The following MEF2C variants were observed in gnomAD, a reference collection of about 807,000 sequenced individuals.
MEF2C encodes the protein myocyte-specific enhancer factor 2C.
MEF2C carries 6 observed loss-of-function variants against 50.5 expected under a neutral mutation model. The ratio of observed to expected loss-of-function variants is 0.12; its 90% confidence interval spans 0.07 to 0.23. MEF2C has a LOEUF of 0.23. Ranked by LOEUF, MEF2C falls within the 10% of genes least tolerant of loss-of-function variation. MEF2C has a pLI of 1.00. For synonymous variants in MEF2C, 183 were observed against 228.0 expected (o/e 0.80, Z 1.78); for missense variants, 276 against 605.0 (o/e 0.46, Z 5.70).
chr5:88,799,868 TCTCACA>T (rs1327624464), intron 3 of MEF2C, among the ~76,000 whole-genome samples: 41 of 95,238 alleles, frequency 4.3e-4, no homozygotes, highest in Admixed American at 2.2e-3. Flanking sequence ...TCTCTCTCTC[TCTCACA>T]CACACACACA....
chr5:88,891,392 C>CT (rs1561493636), intron 1 of MEF2C, among the ~76,000 whole-genome samples: 3 of 125,630 alleles, frequency 2.4e-5, no homozygotes, highest in African/African-American at 3.7e-5. Context: ...AACCAACCAA[C>CT]CTTTTTTTTT....
chr5:88,817,262 G>T (rs1805898018), intron 2 of MEF2C, among the ~76,000 whole-genome samples: 1 of 152,012 alleles, frequency 6.6e-6, no homozygotes, highest in Middle Eastern at 3.4e-3. Context: ...TGAAAACCAG[G>T]AAAAAGTAAG....
chr5:88,748,376 A>C (rs778003903), intron 6 of MEF2C, among the ~76,000 whole-genome samples: 11 of 152,204 alleles, frequency 7.2e-5, no homozygotes, highest in Non-Finnish European at 1.0e-4. Flanking sequence ...GCCAATAGTG[A>C]ACTGCAGTTG....
intron 1 of MEF2C, among the ~76,000 whole-genome samples, chr5:88,850,655 C>T (rs1022782732): frequency 6.6e-6 from 1 of 152,020 alleles, no homozygotes; most frequent in Admixed American, 6.6e-5. Flanking sequence ...TGTGTACACA[C>T]TCTGATTTTG....
In MEF2C at chr5:88,720,238, A is replaced by C. The variant is rs1428225362; in HGVS notation, c.*2366T>G. 1 of 151,392 alleles carries C rather than the reference A, an allele frequency of 6.6e-6. No homozygotes were observed. Among genetic ancestry groups the C allele is most frequent in the Non-Finnish European group, 1.5e-5 (1 of 67,790 alleles). 9.4% of individuals were successfully genotyped at this position (151,392 alleles called of 1,614,324 possible). A position where few individuals can be genotyped will look rare whatever the true frequency, so the allele number is the denominator to read the frequency against. On this transcript the variant is annotated 3_prime_UTR_variant, in exon 11 of 11. Coordinates refer to ENST00000504921, the MANE Select transcript of MEF2C (RefSeq NM_002397.5). ...TGCGTGTGTGTGTATGAGTGTGTAT[A>C]TTTTCAGGGATGTTTTTGTTTTTCC...
intron 1 of MEF2C, among the ~76,000 whole-genome samples, chr5:88,901,736 A>T (rs1297579053): frequency 6.6e-6 from 1 of 151,980 alleles, no homozygotes; most frequent in East Asian, 1.9e-4. Context: ...TTGTGACACA[A>T]TGTTGAAGAT....
intron 2 of MEF2C, among the ~76,000 whole-genome samples, chr5:88,812,599 T>C (rs1345651746): frequency 6.9e-6 from 1 of 144,166 alleles, no homozygotes; most frequent in African/African-American, 2.6e-5. Flanking sequence ...GTTGCTTATT[T>C]GATAATTTTT....
intron 1 of MEF2C, among the ~76,000 whole-genome samples, chr5:88,864,457 T>G (rs2153432224): frequency 6.6e-6 from 1 of 151,916 alleles, no homozygotes. Context: ...AATCTGAATC[T>G]GGGAGTGGAA....
chr5:88,768,999 C>A (rs376321928), intron 3 of MEF2C, among the ~76,000 whole-genome samples: 5 of 152,060 alleles, frequency 3.3e-5, no homozygotes, highest in East Asian at 3.9e-4. Flanking sequence ...TCAGTGAAAT[C>A]TTTTAATGCC....
chr5:88,750,081 G>T (rs1771952797), intron 5 of MEF2C: 3 of 661,336 alleles, frequency 4.5e-6, no homozygotes, highest in East Asian at 1.4e-4. Context: ...TCAGCCAAAA[G>T]AATAATAGTG....
intron 6 of MEF2C, chr5:88,736,155 AC>A: frequency 1.0e-6 from 1 of 985,360 alleles, no homozygotes; most frequent in Non-Finnish European, 1.2e-6. Flanking sequence ...CTCTACTTCC[AC>A]TGCCACCATC....
chr5:88,891,623 G>A (rs1040447277), intron 1 of MEF2C, among the ~76,000 whole-genome samples: 1 of 151,920 alleles, frequency 6.6e-6, no homozygotes, highest in African/African-American at 2.4e-5. Flanking sequence ...TGTTAGCCAG[G>A]ATGGTCTCGA....
chr5:88,842,354 A>C (rs1452048483), intron 1 of MEF2C, among the ~76,000 whole-genome samples: 1 of 152,154 alleles, frequency 6.6e-6, no homozygotes, highest in Non-Finnish European at 1.5e-5. Flanking sequence ...GAAAGAAAAA[A>C]AATCTAGTAA....
chr5:88,735,102 G>C, intron 6 of MEF2C: 2 of 985,328 alleles, frequency 2.0e-6, no homozygotes, highest in Non-Finnish European at 2.4e-6. Flanking sequence ...CAGTGATATA[G>C]AAACCTATGA....
At chr5:88,882,842 C>T (rs1206272338) in intron 1 of MEF2C, 113 bp downstream of exon 1, 1 of 152,020 alleles carries the variant, frequency 6.6e-6, no homozygotes, top group East Asian at 1.9e-4. Flanking sequence ...CAACTTCAGC[C>T]TTCAAAAAAG....
chr5:88,776,915 A>G (rs1785071419), intron 3 of MEF2C, among the ~76,000 whole-genome samples: 1 of 152,234 alleles, frequency 6.6e-6, no homozygotes, highest in African/African-American at 2.4e-5. Flanking sequence ...GCATGCTGCC[A>G]GCCCCACGGC....
chr5:88,872,979 A>G (rs1415783260), intron 1 of MEF2C, among the ~76,000 whole-genome samples: 1 of 151,944 alleles, frequency 6.6e-6, no homozygotes, highest in Non-Finnish European at 1.5e-5. Context: ...TTCTCTCTCG[A>G]GAGTGTATCT....
At chr5:88,778,208 G>A (rs1020458493) in intron 3 of MEF2C, among the ~76,000 whole-genome samples, 2 of 151,984 alleles carry the variant, frequency 1.3e-5, no homozygotes, top group African/African-American at 4.8e-5. Context: ...ACGCCCGGCT[G>A]CTAAATGTTT....
chr5:88,824,259 A>AC, intron 1 of MEF2C: 2 of 935,762 alleles, frequency 2.1e-6, no homozygotes, highest in African/African-American at 2.7e-5. Context: ...TGACAATTTC[A>AC]CCCGTTATGA....
Sources: gnomAD v4.1 joint callset for allele counts (sites outside exome capture counted in the v4.1 genomes callset) on GRCh38, gnomAD v4.1.1 for gene constraint, MANE v1.5 for transcripts, NCBI Gene and HGNC (gene_info 2026-07-23, HGNC 2026-07-21) for gene names.